Variants in RASA1 observed in about 807,000 individuals in gnomAD.
RASA1 encodes the protein RAS p21 protein activator 1.
Under a neutral mutation model 132.2 loss-of-function variants are expected in RASA1, and 25 were observed. The observed-to-expected ratio is 0.19, with a 90% confidence interval of 0.14 to 0.26. The LOEUF is 0.26. RASA1 is among the 10% of genes least tolerant of loss of function. The probability of loss-of-function intolerance (pLI) is 1.00; values close to 1 mark genes in which losing one functional copy is unlikely to be tolerated. For missense variants in RASA1, 964 were observed against 1,299.2 expected, an observed-to-expected ratio of 0.74 and a Z score of 3.97; for synonymous variants, 477 against 449.9, an observed-to-expected ratio of 1.06 and a Z score of -0.76.
intron 1 of RASA1, among the ~76,000 whole-genome samples, chr5:87,275,717 C>A (rs893989524): frequency 6.6e-6 from 1 of 152,050 alleles, no homozygotes; most frequent in African/African-American, 2.4e-5. Flanking sequence ...ATTACAGGTG[C>A]GTGCCACCAC....
chr5:87,380,380 A>G, intron 19 of RASA1, 129 bp from the exon 20 acceptor site: 4 of 843,178 alleles, frequency 4.7e-6, no homozygotes. Flanking sequence ...CCTGTGGCAA[A>G]ATACTTTTTT....
At chr5:87,376,300 C>A in intron 15 of RASA1, 93 bp from the exon 16 acceptor site, 1 of 1,427,358 alleles carries the variant, frequency 7.0e-7, no homozygotes, top group South Asian at 1.2e-5. Context: ...GCATTTAACA[C>A]CATAGGGAAG....
At chr5:87,273,174 AT>A (rs1321441071) in intron 1 of RASA1, among the ~76,000 whole-genome samples, 1 of 152,150 alleles carries the variant, frequency 6.6e-6, no homozygotes, top group East Asian at 1.9e-4. Context: ...ATTAATTAGT[AT>A]TTTGTACCTT....
At chr5:87,351,751 G>A (rs188225078) in intron 8 of RASA1, among the ~76,000 whole-genome samples, 2 of 151,800 alleles carry the variant, frequency 1.3e-5, no homozygotes, top group East Asian at 3.9e-4. Context: ...AAACTCTTAA[G>A]TCTAGCTCAT....
intron 12 of RASA1, 77 bp downstream of exon 12, chr5:87,369,977 A>G: frequency 8.2e-7 from 1 of 1,212,604 alleles, no homozygotes; most frequent in East Asian, 2.4e-5. Flanking sequence ...ATAGAAAATG[A>G]TCGCATTCAA....
intron 21 of RASA1, 62 bp from the exon 22 acceptor site, chr5:87,385,239 A>C: frequency 9.6e-7 from 1 of 1,042,098 alleles, no homozygotes; most frequent in South Asian, 1.3e-5. Flanking sequence ...CTAAATTTAT[A>C]ATGGTTTAGC....
intron 7 of RASA1, 83 bp from the exon 8 acceptor site, chr5:87,349,131 A>C (rs1759074945): frequency 1.4e-6 from 2 of 1,478,846 alleles, no homozygotes; most frequent in South Asian, 2.4e-5. Flanking sequence ...TATGACTTTG[A>C]ATGCACTTTG....
At chr5:87,270,185 TGAGCC>T (rs2112225492) in intron 1 of RASA1, among the ~76,000 whole-genome samples, 1 of 141,668 alleles carries the variant, frequency 7.1e-6, no homozygotes, top group South Asian at 2.3e-4. Context: ...GAGGTTGCAG[TGAGCC>T]GAGATCGTGC....
intron 1 of RASA1, among the ~76,000 whole-genome samples, chr5:87,324,140 A>G (rs1319887415): frequency 6.6e-6 from 1 of 152,212 alleles, no homozygotes; most frequent in East Asian, 1.9e-4. Context: ...ATGGTATGAT[A>G]CTATAATTGT....
At chr5:87,338,230 G>A in intron 5 of RASA1, 139 bp downstream of exon 5, 1 of 1,359,726 alleles carries the variant, frequency 7.4e-7, no homozygotes. Context: ...AATTATAAGT[G>A]CTGTTTGTTA....
intron 5 of RASA1, among the ~76,000 whole-genome samples, chr5:87,340,196 A>C (rs895542070): frequency 2.0e-5 from 3 of 152,012 alleles, no homozygotes; most frequent in Admixed American, 6.5e-5. Flanking sequence ...GTAAAATTTG[A>C]TTCATCTTTA....
chr5:87,297,996 G>A (rs141680185), intron 1 of RASA1, among the ~76,000 whole-genome samples: 47 of 152,252 alleles, frequency 3.1e-4, no homozygotes, highest in Middle Eastern at 3.4e-3. Flanking sequence ...TTGGGGAACC[G>A]TGGTTTGCCC....
At position 87,268,774 on chromosome 5, in the gene RASA1, C is replaced by T; in HGVS notation, c.323C>T (p.Ala108Val). 1 of 1,613,928 alleles carries T rather than the reference C, an allele frequency of 6.2e-7. No homozygotes were observed. The highest frequency in any genetic ancestry group is 8.5e-7 in the Non-Finnish European group (1 of 1,179,944). The change falls in exon 1 of 25, where the codon GCT becomes GTT. Residue 108 changes from alanine to valine, a missense_variant. Coordinates refer to ENST00000274376, the MANE Select transcript of RASA1 (RefSeq NM_002890.3). ...AAAGVAGAAV[A>V]GPSGDMALTK... ...GCTGGCGTGGCCGGTGCTGCTGTTG[C>T]TGGACCTAGTGGAGACATGGCTCTC...
intron 11 of RASA1, among the ~76,000 whole-genome samples, chr5:87,369,536 CTGTT>C (rs1760773781): frequency 6.6e-6 from 1 of 152,042 alleles, no homozygotes; most frequent in African/African-American, 2.4e-5. Flanking sequence ...CAGCTTCAAT[CTGTT>C]TGTAACTTTA....
At chr5:87,277,997 A>G (rs1754140661) in intron 1 of RASA1, among the ~76,000 whole-genome samples, 1 of 152,124 alleles carries the variant, frequency 6.6e-6, no homozygotes, top group Non-Finnish European at 1.5e-5. Context: ...ATGTGTGTTC[A>G]TTGTTGTAAC....
At chr5:87,280,734 A>G (rs1754280002) in intron 1 of RASA1, among the ~76,000 whole-genome samples, 1 of 151,818 alleles carries the variant, frequency 6.6e-6, no homozygotes, top group African/African-American at 2.4e-5. Flanking sequence ...TTCAACCCAT[A>G]TTGTAACATG....
intron 1 of RASA1, among the ~76,000 whole-genome samples, chr5:87,280,799 C>A (rs1031981778): frequency 1.6e-4 from 25 of 151,908 alleles, no homozygotes; most frequent in African/African-American, 4.4e-4. Context: ...CTCTGTCGCC[C>A]AGGCTGGAGT....
At position 87,376,899 on chromosome 5, in the gene RASA1, C is replaced by G; in HGVS notation, c.2203C>G (p.Leu735Val). The G allele has an allele frequency of 6.2e-7, 1 of 1,608,148 alleles. No individual in the cohort carries two copies. The highest frequency in any genetic ancestry group is 2.2e-5 in the East Asian group (1 of 44,812). Reference sequence around the variant, plus strand: ...ATTTTAGCTTATACTGCAAAAGGAACTTCATGTAGTCTATGCTTTATCACA... The same window carrying G: ...ATTTTAGCTTATACTGCAAAAGGAAGTTCATGTAGTCTATGCTTTATCACA... Reference protein sequence around the residue: ...EFKELILQKELHVVYALSHVC... With the variant: ...EFKELILQKEVHVVYALSHVC... The change falls in exon 17 of 25, where the codon CTT (leucine) becomes GTT (valine). Residue 735 changes from leucine (L) to valine (V), a missense_variant. Leu to Val is a conservative substitution (Grantham distance 32). Coordinates refer to ENST00000274376, the MANE Select transcript of RASA1 (RefSeq NM_002890.3).
chr5:87,302,091 A>G (rs888080041), intron 1 of RASA1, among the ~76,000 whole-genome samples: 1 of 152,182 alleles, frequency 6.6e-6, no homozygotes, highest in Non-Finnish European at 1.5e-5. Flanking sequence ...GGATGTTCAT[A>G]TAATAAGCTT....
Sources: allele counts gnomAD v4.1 joint callset (sites outside exome capture counted in the v4.1 genomes callset), GRCh38; gene constraint gnomAD v4.1.1; transcripts MANE v1.5; gene names NCBI Gene and HGNC (gene_info 2026-07-23, HGNC 2026-07-21).